The following ADAMTS4 variants were observed in gnomAD, a reference collection of about 807,000 sequenced individuals.
ADAMTS4 encodes the protein A disintegrin and metalloproteinase with thrombospondin motifs 4.
In ADAMTS4, 38 loss-of-function variants were observed where a neutral mutation model predicts 66.7. The observed-to-expected ratio is 0.57, with a 90% CI of 0.44 to 0.75. The LOEUF (loss-of-function observed/expected upper bound fraction) is 0.75, where lower values mean the gene tolerates loss of function less well. Among genes scored for constraint, ADAMTS4 ranks in the 30% least tolerant of loss-of-function variants. The pLI is 0.00. For missense variants in ADAMTS4, 1,014 were observed against 1,116.7 expected (o/e 0.91, Z 1.31); for synonymous variants, 418 against 461.5 (o/e 0.91, Z 1.21).
rs1330662753 is a variant in ADAMTS4, at chr1:161,198,055, A to T, written c.573T>A (p.Gly191=). 2 of 1,605,974 alleles carry T rather than the reference A, an allele frequency of 1.2e-6. No homozygotes were observed. Among genetic ancestry groups the T allele is most frequent in the African/African-American group, 1.3e-5 (1 of 74,698 alleles). ...LRRKSPASGQ[G]PMCNVKAPLG... is the part of the protein sequence containing the mutation. ...GAGGAGCCTTGACGTTGCACATGGG[A>T]CCTTGACCGCTGGCAGGACTCTTCC... Residue 191 remains glycine, a synonymous_variant, in exon 1 of 9, where the codon GGT becomes GGA. Coordinates refer to ENST00000367996, the MANE Select transcript of ADAMTS4 (RefSeq NM_005099.6). The surrounding 1 kb of genome is among the most constrained non-coding windows in gnomAD (Gnocchi z 4.7).
chr1:161,196,788 C>T lies in ADAMTS4; in HGVS notation c.726G>A (p.Leu242=). 1 of 1,612,708 alleles carries T rather than the reference C, an allele frequency of 6.2e-7. No homozygotes were observed. The highest frequency in any genetic ancestry group is 2.2e-5 in the East Asian group (1 of 44,882). ...AFHGAGLKRY[L]LTVMAAAAKA... ...TGGCTGCTGCTGCCATCACTGTTAGCAGGTAGCGCTTTAGCCCCGCACCGT... is the reference window on the plus strand; with the variant it reads ...TGGCTGCTGCTGCCATCACTGTTAGTAGGTAGCGCTTTAGCCCCGCACCGT... Residue 242 remains leucine (L), a synonymous_variant, in exon 2 of 9, where the codon CTG becomes CTA. Coordinates refer to ENST00000367996, the MANE Select transcript of ADAMTS4 (RefSeq NM_005099.6).
At position 161,196,661 on chromosome 1, in the gene ADAMTS4, C is replaced by A; in HGVS notation, c.853G>T (p.Ala285Ser). Reference protein sequence around the residue: ...GEEGPQVGPSAAQTLRSFCAW... With the variant: ...GEEGPQVGPSSAQTLRSFCAW... ...CAGAAGCTGCGCAGGGTCTGGGCAG[C>A]ACTGGGCCCCACTTGGGGCCCCTCC... Residue 285 changes from alanine to serine, a missense_variant, in exon 2 of 9, where the codon GCT (alanine) becomes TCT (serine). Physicochemically the swap from Ala to Ser is moderately conservative, Grantham distance 99. Coordinates refer to ENST00000367996, the MANE Select transcript of ADAMTS4 (RefSeq NM_005099.6). 6.2e-7 allele frequency: 1 copy of A among 1,614,006 alleles called. No homozygotes were observed. The highest frequency in any genetic ancestry group is 2.2e-5 in the East Asian group (1 of 44,892).
In ADAMTS4 at chr1:161,196,623, C is replaced by T. The variant is rs769404571; in HGVS notation, c.891G>A (p.Arg297=). Reference sequence around the variant, plus strand: ...CCGAGTCCTCAGGGGTGTTGAGGCCCCGCTGCCAGGCACAGAAGCTGCGCA... The same window carrying T: ...CCGAGTCCTCAGGGGTGTTGAGGCCTCGCTGCCAGGCACAGAAGCTGCGCA... ...QTLRSFCAWQ[R]GLNTPEDSDP... is the part of the protein sequence containing the mutation. The change falls in exon 2 of 9, where the codon CGG becomes CGA. Residue 297 remains arginine (R), a synonymous_variant. Transcript: ENST00000367996. 1 of 1,614,202 alleles carries T rather than the reference C, an allele frequency of 6.2e-7. No individual in the cohort carries two copies. The highest frequency in any genetic ancestry group is 8.5e-7 in the Non-Finnish European group (1 of 1,180,026).
At chr1:161,195,439 G>C in intron 4 of ADAMTS4, 26 bp downstream of exon 4, 1 of 1,580,494 alleles carries the variant, frequency 6.3e-7, no homozygotes, top group East Asian at 2.3e-5. Context: ...GTGCTACCCA[G>C]GGAAAGGTAA....
At chr1:161,195,310 A>T (rs990429987) in intron 4 of ADAMTS4, among the ~76,000 whole-genome samples, 155 bp downstream of exon 4, 2 of 152,220 alleles carry the variant, frequency 1.3e-5, no homozygotes, top group African/African-American at 4.8e-5. Flanking sequence ...TGAGAACTAC[A>T]CAAAGACAGC....
At chr1:161,192,348 T>C (rs1664703996) in intron 7 of ADAMTS4, 108 bp from the exon 8 acceptor site, 3 of 1,077,476 alleles carry the variant, frequency 2.8e-6, no homozygotes, top group East Asian at 2.5e-5. Flanking sequence ...GTCGGAAAAG[T>C]TGGATGAAGT....
Position 161,193,139 on chromosome 1 carries a change from G to C in ADAMTS4, c.1911+74C>G. 1 of 1,478,382 alleles carries C rather than the reference G, an allele frequency of 6.8e-7. No individual in the cohort carries two copies. 91.6% of individuals were successfully genotyped at this position (1,478,382 alleles called of 1,614,324 possible). Reference sequence around the variant, plus strand: ...AACAGGGTTACTTTGGGTGATCTTTGTTATCAGAAAGCAGAGGGAGCACTG... The same window carrying C: ...AACAGGGTTACTTTGGGTGATCTTTCTTATCAGAAAGCAGAGGGAGCACTG... On this transcript the variant is annotated intron_variant, in intron 7 of 8. Transcript: ENST00000367996. This position sits in a 1 kb window ranked among gnomAD's most constrained non-coding sequence, Gnocchi z 4.4.
Position 161,193,839 on chromosome 1 carries a change from A to C in ADAMTS4, c.1549-13T>G. 6.3e-7 allele frequency: 1 copy of C among 1,595,028 alleles called. No homozygotes were observed. Among genetic ancestry groups the C allele is most frequent in the Non-Finnish European group, 8.5e-7 (1 of 1,169,724 alleles). On this transcript the variant is annotated splice_polypyrimidine_tract_variant and intron_variant, in intron 5 of 8. Transcript: ENST00000367996. This position sits in a 1 kb window ranked among gnomAD's most constrained non-coding sequence, Gnocchi z 4.4. ...CAGCCTGTGGAATCTGCAAAGGCAC[A>C]GAACGGAAGTGGGGCATAAGTGAAC...
In ADAMTS4 at chr1:161,198,037, C is replaced by T. The variant is rs1351795158; in HGVS notation, c.591G>A (p.Lys197=). The T allele has an allele frequency of 5.6e-6, 9 of 1,593,520 alleles. No homozygotes were observed. The highest frequency in any genetic ancestry group is 1.7e-4 in the Middle Eastern group (1 of 5,970). The change falls in exon 1 of 9, where the codon AAG becomes AAA. Residue 197 remains lysine, a synonymous_variant. Coordinates refer to ENST00000367996, the MANE Select transcript of ADAMTS4 (RefSeq NM_005099.6). This position sits in a 1 kb window ranked among gnomAD's most constrained non-coding sequence, Gnocchi z 4.7. ...ASGQGPMCNV[K]APLGSPSPRP... is the part of the protein sequence containing the mutation. Reference sequence around the variant, plus strand: ...TGGGGCTGGGGCTTCCAAGAGGAGCCTTGACGTTGCACATGGGACCTTGAC... The same window carrying T: ...TGGGGCTGGGGCTTCCAAGAGGAGCTTTGACGTTGCACATGGGACCTTGAC...
In ADAMTS4 at chr1:161,192,202, C is replaced by G. The variant is rs759687491; in HGVS notation, c.1950G>C (p.Ser650=). The G allele has an allele frequency of 7.4e-6, 12 of 1,613,958 alleles. No individual in the cohort carries two copies. Among genetic ancestry groups the G allele is most frequent in the Middle Eastern group, 1.6e-4 (1 of 6,062 alleles). Residue 650 remains serine, a synonymous_variant, in exon 8 of 9, where the codon TCG becomes TCC. Coordinates refer to ENST00000367996, the MANE Select transcript of ADAMTS4 (RefSeq NM_005099.6). ...DGTPCSPDSS[S]VCVQGRCIHA... ...GGATGCATCGGCCCTGGACACAGACCGAGGAGCTGTCCGGGGAACAGGGGG... is the reference window on the plus strand; with the variant it reads ...GGATGCATCGGCCCTGGACACAGACGGAGGAGCTGTCCGGGGAACAGGGGG...
rs374646080 is a variant in ADAMTS4 at position 161,192,214 on chromosome 1, C to G, written c.1938G>C (p.Pro646=). The part of the protein sequence containing the change: ...PRVVDGTPCS[P]DSSSVCVQGR... Reference sequence around the variant, plus strand: ...CCTGGACACAGACCGAGGAGCTGTCCGGGGAACAGGGGGTCCCATCTACCA... The same window carrying G: ...CCTGGACACAGACCGAGGAGCTGTCGGGGGAACAGGGGGTCCCATCTACCA... Residue 646 remains proline, a synonymous_variant, in exon 8 of 9, where the codon CCG becomes CCC. Coordinates refer to ENST00000367996, the MANE Select transcript of ADAMTS4 (RefSeq NM_005099.6). 6.2e-7 allele frequency: 1 copy of G among 1,613,826 alleles called. No individual in the cohort carries two copies. The highest frequency in any genetic ancestry group is 8.5e-7 in the Non-Finnish European group (1 of 1,179,924).
Position 161,196,649 on chromosome 1 carries a change from G to A in ADAMTS4, c.865C>T (p.Leu289=), listed in dbSNP as rs577823706. The A allele has an allele frequency of 9.9e-6, 16 of 1,614,194 alleles. No individual in the cohort carries two copies. In the African/African-American group the frequency reaches 1.5e-4, roughly 15 times the overall value. The change falls in exon 2 of 9, where the codon CTG becomes TTG. Residue 289 remains leucine (L), a synonymous_variant. Transcript: ENST00000367996. Reference sequence around the variant, plus strand: ...CGCTGCCAGGCACAGAAGCTGCGCAGGGTCTGGGCAGCACTGGGCCCCACT... The same window carrying A: ...CGCTGCCAGGCACAGAAGCTGCGCAAGGTCTGGGCAGCACTGGGCCCCACT... The part of the protein sequence containing the change: ...PQVGPSAAQT[L]RSFCAWQRGL...
Position 161,198,056 on chromosome 1 carries a change from C to T in ADAMTS4, c.572G>A (p.Gly191Asp). 8 of 1,606,348 alleles carry T rather than the reference C, an allele frequency of 5.0e-6. No individual in the cohort carries two copies. In the South Asian group the frequency reaches 8.9e-5, roughly 18 times the overall value. ...AGGAGCCTTGACGTTGCACATGGGACCTTGACCGCTGGCAGGACTCTTCCG... is the reference window on the plus strand; with the variant it reads ...AGGAGCCTTGACGTTGCACATGGGATCTTGACCGCTGGCAGGACTCTTCCG... ...LRRKSPASGQ[G>D]PMCNVKAPLG... The change falls in exon 1 of 9, where the codon GGT (glycine) becomes GAT (aspartate). Residue 191 changes from glycine (G) to aspartate (D), a missense_variant. Coordinates refer to ENST00000367996, the MANE Select transcript of ADAMTS4 (RefSeq NM_005099.6). This position sits in a 1 kb window ranked among gnomAD's most constrained non-coding sequence, Gnocchi z 4.7.
rs34912400 is a variant in ADAMTS4 at position 161,187,944 on chromosome 1, C to CTTTTTTTTT, written c.*3185_*3193dup. 2 of 91,822 alleles carry CTTTTTTTTT rather than the reference C, an allele frequency of 2.2e-5. No homozygotes were observed. Among genetic ancestry groups the CTTTTTTTTT allele is most frequent in the African/African-American group, 9.1e-5 (2 of 22,098 alleles). 5.7% of individuals were successfully genotyped at this position (91,822 alleles called of 1,614,324 possible). ...TGACACATAGAGGACTGCCCAAGTTCTTTTTTTTTTTTTTTTTTTTTTTGA... is the reference window on the plus strand; with the variant it reads ...TGACACATAGAGGACTGCCCAAGTTCTTTTTTTTTTTTTTTTTTTTTTTTTTTTTTTTGA... On this transcript the variant is annotated 3_prime_UTR_variant, in exon 9 of 9. Coordinates refer to ENST00000367996, the MANE Select transcript of ADAMTS4 (RefSeq NM_005099.6).
Position 161,193,816 on chromosome 1 carries a change from G to A in ADAMTS4, c.1559C>T (p.Ala520Val), listed in dbSNP as rs911869982. The change falls in exon 6 of 9, where the codon GCT (alanine) becomes GTT (valine). Residue 520 changes from alanine to valine, a missense_variant. By Grantham distance (64) the Ala-to-Val change is moderately conservative (BLOSUM62 0). Transcript: ENST00000367996. The surrounding 1 kb of genome is among the most constrained non-coding windows in gnomAD (Gnocchi z 4.4). ...TGGTCCCCAAGGACCCCAGCCACCAGCCTGTGGAATCTGCAAAGGCACAGA... is the reference window on the plus strand; with the variant it reads ...TGGTCCCCAAGGACCCCAGCCACCAACCTGTGGAATCTGCAAAGGCACAGA... ...DQLQDFNIPQ[A>V]GGWGPWGPWG... is the part of the protein sequence containing the mutation. The A allele has an allele frequency of 1.2e-6, 2 of 1,606,056 alleles. No homozygotes were observed. Among genetic ancestry groups the A allele is most frequent in the Non-Finnish European group, 1.7e-6 (2 of 1,175,748 alleles).
chr1:161,192,225 GGGTCCCA>G lies in ADAMTS4; in HGVS notation c.1920_1926del (p.Gly641ProfsTer87). 1 of 1,613,762 alleles carries G rather than the reference GGGTCCCA, an allele frequency of 6.2e-7. No homozygotes were observed. The highest frequency in any genetic ancestry group is 8.5e-7 in the Non-Finnish European group (1 of 1,179,800). On this transcript the variant is annotated frameshift_variant, in exon 8 of 9. Coordinates refer to ENST00000367996, the MANE Select transcript of ADAMTS4 (RefSeq NM_005099.6). LOFTEE classifies it high-confidence loss of function. ...ACCGAGGAGCTGTCCGGGGAACAGG[GGGTCCCA>G]TCTACCACCTGAGGAAAAGAGAAAG...
intron 2 of ADAMTS4, 65 bp from the exon 3 acceptor site, chr1:161,196,368 C>T: frequency 6.5e-7 from 1 of 1,547,572 alleles, no homozygotes; most frequent in African/African-American, 1.4e-5. Context: ...GGGTTGAGAT[C>T]CAGATTCCCG....
rs1482491358 is a variant in ADAMTS4 at position 161,198,456 on chromosome 1, C to G, written c.172G>C (p.Glu58Gln). ...TTCTCTGGAAACACGATCTCCTCCT[C>G]CCGGGGGAGGGGGCTGGCCAGCCGG... is the stretch of plus-strand genomic sequence containing the variant. ...SARLASPLPR[E>Q]EEIVFPEKLN... Residue 58 changes from glutamate (E) to glutamine (Q), a missense_variant, in exon 1 of 9, where the codon GAG (glutamate) becomes CAG (glutamine). Glu to Gln is a conservative substitution (Grantham distance 29). Transcript: ENST00000367996. The surrounding 1 kb of genome is among the most constrained non-coding windows in gnomAD (Gnocchi z 4.7). 1.9e-6 allele frequency: 3 copies of G among 1,574,352 alleles called. No individual in the cohort carries two copies. The South Asian group carries it at 3.5e-5, about 18-fold the overall frequency.
At chr1:161,191,638 C>A (rs1294358750) in intron 8 of ADAMTS4, 74 bp from the exon 9 acceptor site, 1 of 1,447,984 alleles carries the variant, frequency 6.9e-7, no homozygotes, top group Non-Finnish European at 9.5e-7. Context: ...GCTTATGTGA[C>A]TGTATGTGTG....
Sources: allele counts gnomAD v4.1 joint callset (sites outside exome capture counted in the v4.1 genomes callset), GRCh38; gene constraint gnomAD v4.1.1; non-coding constraint Gnocchi (gnomAD v3.1); transcripts MANE v1.5; gene names NCBI Gene and HGNC (gene_info 2026-07-23, HGNC 2026-07-21).